NEMP2: variants seen among roughly 807,000 people sequenced by gnomAD.
The protein encoded by NEMP2 is nuclear envelope integral membrane protein 2, also known as UPF0571 transmembrane protein.
A neutral mutation model predicts 54.2 loss-of-function variants in NEMP2; 53 were observed. That is an observed-to-expected ratio of 0.98 (90% CI 0.78 to 1.23). NEMP2 has a LOEUF of 1.23. NEMP2 is among the 50% of genes most tolerant of loss of function. The pLI is 0.00. For synonymous variants in NEMP2, 197 were observed against 190.3 expected, an observed-to-expected ratio of 1.04 and a Z score of -0.29; for missense variants, 455 against 511.3, an observed-to-expected ratio of 0.89 and a Z score of 1.06.
chr2:190,535,878 C>T (rs995108397), upstream of NEMP2: 1 of 152,202 alleles, frequency 6.6e-6, no homozygotes, highest in East Asian at 1.9e-4. Context: ...CCTGTATTCC[C>T]AGGTGCGGTG....
the NEMP2 span, among the ~76,000 whole-genome samples, chr2:190,437,989 CATAG>C: frequency 6.6e-6 from 1 of 151,772 alleles, no homozygotes; most frequent in Non-Finnish European, 1.5e-5. This position sits in a 1 kb window ranked among gnomAD's most constrained non-coding sequence, Gnocchi z 5.9. Context: ...CACTTGCTGA[CATAG>C]ATAGAGCCTG....
At chr2:190,540,482 G>A in the NEMP2 span, among the ~76,000 whole-genome samples, 1 of 152,010 alleles carries the variant, frequency 6.6e-6, no homozygotes, top group African/African-American at 2.4e-5. Flanking sequence ...TAGAGATAGG[G>A]TCTCACTATG....
At chr2:190,581,041 A>G in the NEMP2 span, among the ~76,000 whole-genome samples, 19 of 152,204 alleles carry the variant, frequency 1.2e-4, no homozygotes, top group Non-Finnish European at 2.4e-4. Context: ...AAACTATACT[A>G]AGAATATAAG....
the NEMP2 span, among the ~76,000 whole-genome samples, chr2:190,568,262 GAC>G: frequency 6.6e-6 from 1 of 152,146 alleles, no homozygotes; most frequent in Non-Finnish European, 1.5e-5. This position sits in a 1 kb window ranked among gnomAD's most constrained non-coding sequence, Gnocchi z 4.7. Context: ...ATTAATACAG[GAC>G]ACACAGCTCT....
rs1351227653 is a variant in NEMP2, at chr2:190,504,901, T to C, written c.*4288A>G. The C allele has an allele frequency of 6.6e-6, 1 of 152,208 alleles. No individual in the cohort carries two copies. The highest frequency in any genetic ancestry group is 1.5e-5 in the Non-Finnish European group (1 of 68,042). The allele number at this position is 152,208 out of a possible 1,614,324, so 9.4% of individuals were successfully genotyped here. A position where few individuals can be genotyped will look rare whatever the true frequency, so the allele number is the denominator to read the frequency against. ...CATAGAAATTAGACATTTCAAAATA[T>C]GTATGGCAAGTTGACATTGTCATGA... On this transcript the variant is annotated 3_prime_UTR_variant, in exon 9 of 9. Transcript: ENST00000409150. This position sits in a 1 kb window ranked among gnomAD's most constrained non-coding sequence, Gnocchi z 5.6.
chr2:190,630,284 C>G, the NEMP2 span, among the ~76,000 whole-genome samples: 13 of 152,120 alleles, frequency 8.5e-5, no homozygotes, highest in African/African-American at 3.1e-4. This position sits in a 1 kb window ranked among gnomAD's most constrained non-coding sequence, Gnocchi z 5.5. Flanking sequence ...CCAGAGCAAT[C>G]TCGTCTCACT....
chr2:190,534,209 G>C, intron 1 of NEMP2: 1 of 1,069,814 alleles, frequency 9.3e-7, no homozygotes, highest in Non-Finnish European at 1.1e-6. Context: ...TGAAAGTCTG[G>C]AGACTAGGGT....
chr2:190,480,740 C>CCT, the NEMP2 span, among the ~76,000 whole-genome samples: 1 of 152,154 alleles, frequency 6.6e-6, no homozygotes, highest in African/African-American at 2.4e-5. Context: ...CTCTCTAAGC[C>CCT]ACAGACTCTT....
At chr2:190,427,983 C>T in the NEMP2 span, among the ~76,000 whole-genome samples, 22 of 152,320 alleles carry the variant, frequency 1.4e-4, no homozygotes, top group South Asian at 4.6e-3. Flanking sequence ...CCACTTGCCT[C>T]AGCCTCCCAA....
chr2:190,603,545 T>C, the NEMP2 span, among the ~76,000 whole-genome samples: 1 of 148,426 alleles, frequency 6.7e-6, no homozygotes, highest in African/African-American at 2.5e-5. Context: ...AGTGGCTCCC[T>C]TTTATCCATC....
rs150475236 is a variant in NEMP2 at position 190,515,056 on chromosome 2, G to C, written c.728-378C>G. On this transcript the variant is annotated intron_variant, in intron 6 of 8. Coordinates refer to ENST00000409150, the MANE Select transcript of NEMP2 (RefSeq NM_001142645.2). Reference sequence around the variant, plus strand: ...TTACCTTCTTGTCATGAAAGGAAAAGGTAATTTTACAGTGGAGGGAGTCAC... The same window carrying C: ...TTACCTTCTTGTCATGAAAGGAAAACGTAATTTTACAGTGGAGGGAGTCAC... 7.4e-3 allele frequency among the ~76,000 whole-genome samples: 1,126 copies of C among 152,170 alleles called. 15 individuals carry two copies. Among genetic ancestry groups the C allele is most frequent in the South Asian group, 0.013 (61 of 4,818 alleles).
the NEMP2 span, among the ~76,000 whole-genome samples, chr2:190,647,260 T>G: frequency 6.6e-6 from 1 of 152,222 alleles, no homozygotes; most frequent in Non-Finnish European, 1.5e-5. Context: ...AGATTTAACT[T>G]TAATTATATG....
At position 190,505,649 on chromosome 2, in the gene NEMP2, TAC is replaced by T. The variant is rs1218210102; in HGVS notation, c.*3538_*3539del. Reference sequence around the variant, plus strand: ...CATTCAGGGATCATAACAAAAAAAATACAGTTACCTTTAAAAGATAATCCAAC... The same window carrying T: ...CATTCAGGGATCATAACAAAAAAAATAGTTACCTTTAAAAGATAATCCAAC... On this transcript the variant is annotated 3_prime_UTR_variant, in exon 9 of 9. Transcript: ENST00000409150. This position sits in a 1 kb window ranked among gnomAD's most constrained non-coding sequence, Gnocchi z 5.8. 5 of 152,236 alleles carry T rather than the reference TAC, an allele frequency of 3.3e-5. No homozygotes were observed. In the East Asian group the frequency reaches 5.8e-4, roughly 18 times the overall value. The allele number at this position is 152,236 out of a possible 1,614,324, so 9.4% of individuals were successfully genotyped here. A position where few individuals can be genotyped will look rare whatever the true frequency, so the allele number is the denominator to read the frequency against.
At chr2:190,548,585 C>T in the NEMP2 span, among the ~76,000 whole-genome samples, 1 of 152,184 alleles carries the variant, frequency 6.6e-6, no homozygotes, top group African/African-American at 2.4e-5. Flanking sequence ...ATAGTAAGTA[C>T]TGAAATATTA....
At chr2:190,598,744 T>G in the NEMP2 span, among the ~76,000 whole-genome samples, 1 of 152,270 alleles carries the variant, frequency 6.6e-6, no homozygotes, top group Non-Finnish European at 1.5e-5. Flanking sequence ...GTTGCCATGT[T>G]GCTGCACAGA....
At chr2:190,497,870 C>T in the NEMP2 span, 3 of 891,958 alleles carry the variant, frequency 3.4e-6, no homozygotes, top group Non-Finnish European at 5.0e-6. This position sits in a 1 kb window ranked among gnomAD's most constrained non-coding sequence, Gnocchi z 5.2. Flanking sequence ...ACTCTGTGAG[C>T]ACTGAGTTAA....
the NEMP2 span, among the ~76,000 whole-genome samples, chr2:190,540,172 G>A: frequency 1.4e-4 from 22 of 152,216 alleles, 1 homozygote; most frequent in South Asian, 4.1e-4. Flanking sequence ...GTATTGGAAC[G>A]ATCATATGGT....
At position 190,530,446 on chromosome 2, in the gene NEMP2, T is replaced by C. The variant is rs1186005594; in HGVS notation, c.97+4113A>G. Among the ~76,000 whole-genome samples, 1 of 152,142 alleles carries C rather than the reference T, an allele frequency of 6.6e-6. No individual in the cohort carries two copies. The highest frequency in any genetic ancestry group is 2.4e-5 in the African/African-American group (1 of 41,414). On this transcript the variant is annotated intron_variant, in intron 1 of 8. Transcript: ENST00000409150. This position sits in a 1 kb window ranked among gnomAD's most constrained non-coding sequence, Gnocchi z 4.6. ...ATCTAAGGGACCATAAATTCAGCCA[T>C]AAGAAGCCACAAGCCTAGCTTCAAG...
At chr2:190,610,231 T>C in the NEMP2 span, 1 of 152,198 alleles carries the variant, frequency 6.6e-6, no homozygotes. The surrounding 1 kb of genome is among the most constrained non-coding windows in gnomAD (Gnocchi z 5.4). Context: ...GCCAGATTAT[T>C]TGTATAAAGT....
Sources: gnomAD v4.1 joint callset for allele counts (sites outside exome capture counted in the v4.1 genomes callset) on GRCh38, gnomAD v4.1.1 for gene constraint, Gnocchi (gnomAD v3.1) non-coding constraint, MANE v1.5 for transcripts, NCBI Gene and HGNC (gene_info 2026-07-23, HGNC 2026-07-21) for gene names.